The following EP400 variants were observed in gnomAD, a reference collection of about 807,000 sequenced individuals.
The protein encoded by EP400 is E1A-binding protein p400.
EP400 carries 105 observed loss-of-function variants against 354.1 expected under a neutral mutation model. The observed-to-expected ratio is 0.30, with a 90% CI of 0.25 to 0.35. The LOEUF is 0.35. Ranked by LOEUF, EP400 falls within the 10% of genes least tolerant of loss-of-function variation. The pLI, the probability that EP400 is intolerant of heterozygous loss-of-function variation, is 1.00. For missense variants in EP400, 3,280 were observed against 4,121.0 expected, an observed-to-expected ratio of 0.80 and a Z score of 5.59; for synonymous variants, 1,646 against 1,716.9, an observed-to-expected ratio of 0.96 and a Z score of 1.02.
chr12:132,061,999 T>C (rs1895710796), intron 45 of EP400, 111 bp from the exon 46 acceptor site: 1 of 864,406 alleles, frequency 1.2e-6, no homozygotes, highest in African/African-American at 1.7e-5. Context: ...AGCGTGTGTT[T>C]CACTTGTTTC....
At position 132,028,024 on chromosome 12, in the gene EP400, A is replaced by C. The variant is rs1894365542; in HGVS notation, c.5117A>C (p.Lys1706Thr). The change falls in exon 27 of 53, where the codon AAG becomes ACG. Residue 1706 changes from lysine (K) to threonine (T), a missense_variant. Physicochemically the swap from Lys to Thr is moderately conservative, Grantham distance 78 (BLOSUM62 -1). Transcript: ENST00000389561. Reference sequence around the variant, plus strand: ...CATCACTTTTTGATAAAGGAGGAAAAGACCAGACTCTTGAAAGAGCGCCTG... The same window carrying C: ...CATCACTTTTTGATAAAGGAGGAAACGACCAGACTCTTGAAAGAGCGCCTG... ...SPIGGPTQEE[K>T]TRLLKERLDQ... 6.2e-7 allele frequency: 1 copy of C among 1,610,584 alleles called. No individual in the cohort carries two copies. Among genetic ancestry groups the C allele is most frequent in the Non-Finnish European group, 8.5e-7 (1 of 1,177,136 alleles).
Position 132,054,859 on chromosome 12 carries a change from C to T in EP400, c.7729-115C>T. The T allele has an allele frequency of 9.4e-7, 1 of 1,063,130 alleles. No homozygotes were observed. Among genetic ancestry groups the T allele is most frequent in the Non-Finnish European group, 1.4e-6 (1 of 691,572 alleles). 65.9% of individuals were successfully genotyped at this position (1,063,130 alleles called of 1,614,324 possible). Reference sequence around the variant, plus strand: ...GAGCTGGGGAGGATGGGACAGGTGGCTGTGTGAATGTCGTGGAGTTTGGAT... The same window carrying T: ...GAGCTGGGGAGGATGGGACAGGTGGTTGTGTGAATGTCGTGGAGTTTGGAT... On this transcript the variant is annotated intron_variant, in intron 43 of 52. Transcript: ENST00000389561. This position sits in a 1 kb window ranked among gnomAD's most constrained non-coding sequence, Gnocchi z 4.0.
chr12:132,010,817 C>G (rs1036216934), intron 15 of EP400, among the ~76,000 whole-genome samples: 7 of 152,140 alleles, frequency 4.6e-5, no homozygotes, highest in African/African-American at 1.7e-4. Context: ...TGGCGTGTGC[C>G]TGTAATCCCA....
intron 12 of EP400, 47 bp from the exon 13 acceptor site, chr12:132,005,029 CA>C: frequency 2.8e-6 from 4 of 1,413,130 alleles, no homozygotes; most frequent in Middle Eastern, 1.7e-4. Context: ...ATTTAAATTA[CA>C]GTTGTTGTTA....
chr12:131,984,211 T>C (rs947285885), intron 5 of EP400, among the ~76,000 whole-genome samples: 1 of 152,216 alleles, frequency 6.6e-6, no homozygotes, highest in Non-Finnish European at 1.5e-5. Flanking sequence ...AGGTTCTTTA[T>C]GTTTGAGATT....
At chr12:131,972,349 T>TTCAGCA (rs1035611659) in intron 2 of EP400, among the ~76,000 whole-genome samples, 1 of 152,052 alleles carries the variant, frequency 6.6e-6, no homozygotes, top group Non-Finnish European at 1.5e-5. Context: ...GAGACGGGGC[T>TTCAGCA]TCACCATGTT....
At chr12:131,952,739 A>G (rs1182102121) in intron 1 of EP400, among the ~76,000 whole-genome samples, 1 of 152,192 alleles carries the variant, frequency 6.6e-6, no homozygotes, top group Non-Finnish European at 1.5e-5. Flanking sequence ...GGTTTGAGAC[A>G]CTGTTCCCAG....
At position 132,018,006 on chromosome 12, in the gene EP400, G is replaced by A. The variant is rs1894001433; in HGVS notation, c.4111-204G>A. On this transcript the variant is annotated intron_variant, in intron 20 of 52. Coordinates refer to ENST00000389561, the MANE Select transcript of EP400 (RefSeq NM_015409.5). The surrounding 1 kb of genome is among the most constrained non-coding windows in gnomAD (Gnocchi z 4.0). The stretch of plus-strand genomic sequence containing the variant: ...ATTGTGGGCTGTGAGAAGTAGCTGA[G>A]CATGCACGCTCATCAGCAGAGCTTC... Among the ~76,000 whole-genome samples, 1 of 152,210 alleles carries A rather than the reference G, an allele frequency of 6.6e-6. No individual in the cohort carries two copies. The highest frequency in any genetic ancestry group is 2.1e-4 in the South Asian group (1 of 4,836).
intron 30 of EP400, among the ~76,000 whole-genome samples, chr12:132,034,691 C>G (rs554987019): frequency 6.6e-6 from 1 of 152,178 alleles, no homozygotes; most frequent in African/African-American, 2.4e-5. Context: ...AACTGGAGGG[C>G]CTTTCTGTCA....
At chr12:131,995,823 T>A in intron 12 of EP400, among the ~76,000 whole-genome samples, 1 of 149,628 alleles carries the variant, frequency 6.7e-6, no homozygotes. Flanking sequence ...CCACCGCAGC[T>A]TGACTGAATG....
At chr12:131,995,060 T>G (rs1893158211) in intron 12 of EP400, 104 bp downstream of exon 12, 1 of 1,118,520 alleles carries the variant, frequency 8.9e-7, no homozygotes, top group African/African-American at 1.6e-5. Context: ...CAGCAGTGCC[T>G]GTTTTATGGA....
chr12:132,026,729 T>C (rs1203686475), intron 25 of EP400, among the ~76,000 whole-genome samples: 1 of 152,082 alleles, frequency 6.6e-6, no homozygotes, highest in African/African-American at 2.4e-5. Context: ...ACCCTGAGGG[T>C]CTGAGCTCAG....
rs1387056809 is a variant in EP400, at chr12:132,020,133, C to G, written c.4362C>G (p.Ala1454=). 1.9e-6 allele frequency: 3 copies of G among 1,612,014 alleles called. No homozygotes were observed. Among genetic ancestry groups the G allele is most frequent in the Non-Finnish European group, 2.5e-6 (3 of 1,179,230 alleles). ...FPSTHPPRTA[A]PTTASAAPQG... is the part of the protein sequence containing the mutation. Reference sequence around the variant, plus strand: ...GCACTCACCCGCCCCGGACGGCAGCCCCCACCACGGCCTCTGCTGCTCCAC... The same window carrying G: ...GCACTCACCCGCCCCGGACGGCAGCGCCCACCACGGCCTCTGCTGCTCCAC... Residue 1454 remains alanine (A), a synonymous_variant, in exon 22 of 53, where the codon GCC becomes GCG. Transcript: ENST00000389561.
At chr12:131,971,298 A>G (rs1460755998) in intron 2 of EP400, among the ~76,000 whole-genome samples, 1 of 152,074 alleles carries the variant, frequency 6.6e-6, no homozygotes, top group Non-Finnish European at 1.5e-5. Context: ...AGGTTCATTC[A>G]TGTTGTTGTA....
At position 132,018,016 on chromosome 12, in the gene EP400, T is replaced by C. The variant is rs1015787545; in HGVS notation, c.4111-194T>C. 3.3e-5 allele frequency among the ~76,000 whole-genome samples: 5 copies of C among 152,182 alleles called. No homozygotes were observed. Among genetic ancestry groups the C allele is most frequent in the African/African-American group, 1.2e-4 (5 of 41,444 alleles). The stretch of plus-strand genomic sequence containing the variant: ...GTGAGAAGTAGCTGAGCATGCACGC[T>C]CATCAGCAGAGCTTCACCAAGGGTG... On this transcript the variant is annotated intron_variant, in intron 20 of 52. Transcript: ENST00000389561. The surrounding 1 kb of genome is among the most constrained non-coding windows in gnomAD (Gnocchi z 4.0).
At chr12:132,047,378 C>T (rs1565928070) in intron 39 of EP400, among the ~76,000 whole-genome samples, 1 of 152,092 alleles carries the variant, frequency 6.6e-6, no homozygotes, top group Non-Finnish European at 1.5e-5. Context: ...CCCCGATAGT[C>T]ACGTAGGTTC....
Position 132,075,281 on chromosome 12 carries a change from C to A in EP400, c.9022-1235C>A, listed in dbSNP as rs527402394. ...GTCTGGTCAGCTGTGTCCTGTGCGA[C>A]CCTGGAGATCACGGGGTGCGTCTCC... On this transcript the variant is annotated intron_variant, in intron 51 of 52. Transcript: ENST00000389561. This position sits in a 1 kb window ranked among gnomAD's most constrained non-coding sequence, Gnocchi z 4.5. Among the ~76,000 whole-genome samples the A allele has an allele frequency of 6.6e-6, 1 of 151,820 alleles. No individual in the cohort carries two copies. Among genetic ancestry groups the A allele is most frequent in the Non-Finnish European group, 1.5e-5 (1 of 67,976 alleles).
intron 1 of EP400, among the ~76,000 whole-genome samples, chr12:131,959,457 C>T (rs1190035300): frequency 1.3e-5 from 2 of 152,166 alleles, no homozygotes; most frequent in African/African-American, 4.8e-5. Flanking sequence ...CAGGTCTGAC[C>T]CTGTCTCACC....
At chr12:132,030,650 G>T (rs572129735) in intron 29 of EP400, among the ~76,000 whole-genome samples, 1 of 152,240 alleles carries the variant, frequency 6.6e-6, no homozygotes, top group African/African-American at 2.4e-5. Flanking sequence ...AGTGATGTAT[G>T]CTTGACCTAG....
Sources: gnomAD v4.1 joint callset for allele counts (sites outside exome capture counted in the v4.1 genomes callset) on GRCh38, gnomAD v4.1.1 for gene constraint, Gnocchi (gnomAD v3.1) non-coding constraint, MANE v1.5 for transcripts, NCBI Gene and HGNC (gene_info 2026-07-23, HGNC 2026-07-21) for gene names.